NRXN1: variants seen among roughly 807,000 people sequenced by gnomAD.
NRXN1 encodes the protein neurexin-1.
In NRXN1, 39 loss-of-function variants were observed where a neutral mutation model predicts 150.9. The ratio of observed to expected loss-of-function variants is 0.26; its 90% CI spans 0.20 to 0.34. The LOEUF is 0.34. Ranked by LOEUF, NRXN1 falls within the 10% of genes least tolerant of loss-of-function variation. The probability of loss-of-function intolerance (pLI) is 1.00; values close to 1 mark genes in which losing one functional copy is unlikely to be tolerated. For missense variants in NRXN1, 1,815 were observed against 1,949.9 expected (o/e 0.93, Z 1.30); for synonymous variants, 924 against 757.0 (o/e 1.22, Z -3.62).
At chr2:51,015,200 T>C (rs1245817550) in intron 2 of NRXN1, among the ~76,000 whole-genome samples, 1 of 152,016 alleles carries the variant, frequency 6.6e-6, no homozygotes, top group Non-Finnish European at 1.5e-5. Flanking sequence ...TCAATTTACT[T>C]TAATCACAAA....
chr2:50,694,278 T>C (rs1317099417), intron 5 of NRXN1, among the ~76,000 whole-genome samples: 1 of 152,172 alleles, frequency 6.6e-6, no homozygotes, highest in Admixed American at 6.5e-5. Context: ...GGGGAAAAGG[T>C]AGGTTCTAGC....
In NRXN1 at chr2:50,620,986, T is replaced by C. The variant is rs1679909714; in HGVS notation, c.1158+240A>G. 4 of 449,190 alleles carry C rather than the reference T, an allele frequency of 8.9e-6. 1 individual carries two copies. The South Asian group carries it at 2.4e-4, about 27-fold the overall frequency. The allele number at this position is 449,190 out of a possible 1,614,324, so 27.8% of individuals were successfully genotyped here. On this transcript the variant is annotated intron_variant, in intron 7 of 22. Transcript: ENST00000401669. ...TTAACCACAGCTGGATGCAAAACGTTCGAAACGTTAACGATGCCCCTACAG... is the reference window on the plus strand; with the variant it reads ...TTAACCACAGCTGGATGCAAAACGTCCGAAACGTTAACGATGCCCCTACAG...
intron 19 of NRXN1, among the ~76,000 whole-genome samples, chr2:50,088,225 A>C (rs1699070181): frequency 6.6e-6 from 1 of 152,110 alleles, no homozygotes; most frequent in South Asian, 2.1e-4. Context: ...ACTCTTCAAA[A>C]TTTGTATTCA....
At chr2:50,736,555 G>C (rs1403153001) in intron 5 of NRXN1, among the ~76,000 whole-genome samples, 1 of 152,130 alleles carries the variant, frequency 6.6e-6, no homozygotes, top group African/African-American at 2.4e-5. Context: ...ATTGAATCAC[G>C]AGGGCGGTTT....
intron 18 of NRXN1, among the ~76,000 whole-genome samples, chr2:50,186,126 G>A (rs1222786054): frequency 2.0e-5 from 3 of 152,040 alleles, no homozygotes; most frequent in Non-Finnish European, 4.4e-5. Flanking sequence ...TCCATGATTT[G>A]AATGGGCCAC....
intron 5 of NRXN1, among the ~76,000 whole-genome samples, chr2:50,658,876 A>G (rs973792511): frequency 6.6e-6 from 1 of 151,990 alleles, no homozygotes; most frequent in East Asian, 1.9e-4. Context: ...TGGCTCTACA[A>G]TCTCCATACT....
chr2:50,465,682 A>G (rs907900303), intron 16 of NRXN1, 121 bp from the exon 17 acceptor site: 80 of 1,007,502 alleles, frequency 7.9e-5, no homozygotes, highest in Middle Eastern at 5.3e-4. Flanking sequence ...ACTAGTTTTT[A>G]AAGTTCTAGT....
intron 12 of NRXN1, among the ~76,000 whole-genome samples, chr2:50,511,012 G>A (rs1573330798): frequency 1.3e-5 from 2 of 151,846 alleles, no homozygotes; most frequent in East Asian, 3.9e-4. Flanking sequence ...TGTCACAACT[G>A]TTAAATTAAG....
chr2:49,991,728 G>T (rs1195915419), intron 21 of NRXN1, among the ~76,000 whole-genome samples: 3 of 152,292 alleles, frequency 2.0e-5, no homozygotes, highest in Admixed American at 1.3e-4. Flanking sequence ...TTTTGTGGAT[G>T]TTGACAAACT....
intron 17 of NRXN1, among the ~76,000 whole-genome samples, chr2:50,458,118 G>A (rs542319545): frequency 1.3e-5 from 2 of 152,148 alleles, no homozygotes; most frequent in South Asian, 4.2e-4. Context: ...GAAAAAAATG[G>A]TATATATATT....
chr2:50,522,898 G>GT lies in NRXN1; in HGVS notation c.2374+5726dup, dbSNP rs3052535. ...AGGCACCTGCCACTATGCCCTGCTA[G>GT]TTTTTTTGTATTTTTAGTAGAGACG... On this transcript the variant is annotated intron_variant, in intron 12 of 22. Coordinates refer to ENST00000401669, the MANE Select transcript of NRXN1 (RefSeq NM_001330078.2). Among the ~76,000 whole-genome samples, 673 of 150,256 alleles carry GT rather than the reference G, an allele frequency of 4.5e-3. 7 individuals are homozygous for GT. The highest frequency in any genetic ancestry group is 0.016 in the African/African-American group (634 of 40,860).
At chr2:50,414,699 A>G (rs1432107327) in intron 17 of NRXN1, among the ~76,000 whole-genome samples, 2 of 152,102 alleles carry the variant, frequency 1.3e-5, no homozygotes, top group Non-Finnish European at 2.9e-5. Flanking sequence ...GCTTAAAAGA[A>G]AAATTTAATG....
intron 17 of NRXN1, among the ~76,000 whole-genome samples, chr2:50,400,180 A>G (rs1035161675): frequency 2.0e-5 from 3 of 152,078 alleles, no homozygotes; most frequent in African/African-American, 7.2e-5. Context: ...AAACATTAAT[A>G]TGCTAGGAAA....
intron 21 of NRXN1, among the ~76,000 whole-genome samples, chr2:50,000,723 G>A (rs1683775552): frequency 1.3e-5 from 2 of 152,160 alleles, no homozygotes; most frequent in South Asian, 4.1e-4. Context: ...GTGGTGAAAA[G>A]TGTACAAAGG....
intron 5 of NRXN1, among the ~76,000 whole-genome samples, chr2:50,630,207 A>C (rs1230877582): frequency 6.6e-6 from 1 of 151,650 alleles, no homozygotes; most frequent in Non-Finnish European, 1.5e-5. Flanking sequence ...TATAAAAACA[A>C]ACTTCTTATA....
chr2:50,979,180 T>C (rs1395004944), intron 2 of NRXN1: 1 of 496,982 alleles, frequency 2.0e-6, no homozygotes, highest in South Asian at 1.5e-5. Context: ...GGTCATCGTA[T>C]GTAATTTAAT....
chr2:50,438,681 T>G (rs369490442), intron 17 of NRXN1, among the ~76,000 whole-genome samples: 1 of 152,226 alleles, frequency 6.6e-6, no homozygotes, highest in Non-Finnish European at 1.5e-5. Context: ...TTCTCAAATA[T>G]AGACCTGTCC....
At position 50,329,644 on chromosome 2, in the gene NRXN1, TATATATATATATATATATATATATATATA is replaced by T. The variant is rs1366773998; in HGVS notation, c.3365-92703_3365-92675del. Among the ~76,000 whole-genome samples, 14 of 6,814 alleles carry T rather than the reference TATATATATATATATATATATATATATATA, an allele frequency of 2.1e-3. 2 individuals carry two copies. Among genetic ancestry groups the T allele is most frequent in the African/African-American group, 6.9e-3 (5 of 724 alleles). 4.5% of individuals were successfully genotyped at this position (6,814 alleles called of 152,430 possible). A position where few individuals can be genotyped will look rare whatever the true frequency, so the allele number is the denominator to read the frequency against. ...ATATATATATATATATATATATATA[TATATATATATATATATATATATATATATA>T]TTTTTTTTTTTCCCCCCCGAGACGG... On this transcript the variant is annotated intron_variant, in intron 17 of 22. Transcript: ENST00000401669.
intron 5 of NRXN1, among the ~76,000 whole-genome samples, chr2:50,798,888 C>A (rs1559278859): frequency 6.6e-6 from 1 of 152,148 alleles, no homozygotes; most frequent in Admixed American, 6.5e-5. Flanking sequence ...GAAGCATTTT[C>A]TACATAGGCA....
Sources: gnomAD v4.1 joint callset for allele counts (sites outside exome capture counted in the v4.1 genomes callset) on GRCh38, gnomAD v4.1.1 for gene constraint, MANE v1.5 for transcripts, NCBI Gene and HGNC (gene_info 2026-07-23, HGNC 2026-07-21) for gene names.